Variants in MICU3 observed in about 807,000 individuals in gnomAD.
MICU3 encodes the protein calcium uptake protein 3, mitochondrial.
MICU3 carries 62 observed loss-of-function variants against 66.5 expected under a neutral mutation model. That is an observed-to-expected ratio of 0.93 (90% CI 0.76 to 1.15). The LOEUF (loss-of-function observed/expected upper bound fraction) is 1.15. Among genes scored for constraint, MICU3 ranks in the 50% most tolerant of loss-of-function variants. The probability of loss-of-function intolerance (pLI) is 0.00; values close to 1 mark genes in which losing one functional copy is unlikely to be tolerated. For missense variants in MICU3, 779 were observed against 664.4 expected (o/e 1.17, Z -1.90); for synonymous variants, 308 against 240.7 (o/e 1.28, Z -2.59).
At chr8:17,068,814 C>G (rs190138385) in intron 2 of MICU3, among the ~76,000 whole-genome samples, 369 of 152,126 alleles carry the variant, frequency 2.4e-3, no homozygotes, top group African/African-American at 8.5e-3. Context: ...GCCCCATTGC[C>G]AGGTAGAAGA....
intron 1 of MICU3, among the ~76,000 whole-genome samples, chr8:17,043,939 G>A (rs1244591406): frequency 6.6e-6 from 1 of 152,144 alleles, no homozygotes; most frequent in Non-Finnish European, 1.5e-5. Flanking sequence ...ATTAAATAGT[G>A]AACTATGAAA....
intron 3 of MICU3, among the ~76,000 whole-genome samples, chr8:17,072,248 T>A (rs73539189): frequency 0.16 from 23,568 of 152,008 alleles, 2,804 homozygotes; most frequent in African/African-American, 0.32. Flanking sequence ...CAGAAACAGA[T>A]CCAGGTATAT....
intron 11 of MICU3, among the ~76,000 whole-genome samples, chr8:17,107,670 A>C (rs1327387420): frequency 2.6e-5 from 4 of 152,186 alleles, no homozygotes; most frequent in Admixed American, 1.3e-4. Context: ...TTTTTACACT[A>C]TAATGGTAAA....
At chr8:17,085,861 T>A (rs1183763135) in intron 6 of MICU3, among the ~76,000 whole-genome samples, 1 of 152,140 alleles carries the variant, frequency 6.6e-6, no homozygotes, top group Non-Finnish European at 1.5e-5. Flanking sequence ...CTGGCACTGG[T>A]CTGACAGTGA....
At chr8:17,125,423 G>T (rs149505073), downstream of MICU3, among the ~76,000 whole-genome samples, 4 of 151,918 alleles carry the variant, frequency 2.6e-5, no homozygotes, top group East Asian at 7.7e-4. Flanking sequence ...CATATTAGAG[G>T]TATTTCTCAA....
At chr8:17,029,656 C>G (rs974794804) in intron 1 of MICU3, among the ~76,000 whole-genome samples, 1 of 151,962 alleles carries the variant, frequency 6.6e-6, no homozygotes, top group Admixed American at 6.6e-5. Context: ...TTTGTATTTC[C>G]CTCTCTGAAA....
chr8:17,098,337 A>C (rs1800942331), intron 8 of MICU3, 121 bp from the exon 9 acceptor site: 2 of 767,946 alleles, frequency 2.6e-6, no homozygotes, highest in South Asian at 2.9e-5. Context: ...CAAAACAAAC[A>C]AACAAAAAAA....
intron 11 of MICU3, 32 bp from the exon 12 acceptor site, chr8:17,114,061 T>C: frequency 7.3e-7 from 1 of 1,362,012 alleles, no homozygotes; most frequent in Non-Finnish European, 1.0e-6. Context: ...TTGGCAATAC[T>C]AAATGTATTT....
chr8:17,119,548 G>GATAGATAGATAGATAGATAA (rs1554541237), intron 14 of MICU3, among the ~76,000 whole-genome samples: 99 of 147,324 alleles, frequency 6.7e-4, no homozygotes, highest in African/African-American at 2.4e-3. Flanking sequence ...TAGATAGATA[G>GATAGATAGATAGATAGATAA]ATAGATAGAT....
At chr8:17,125,942 A>G (rs1402087012), downstream of MICU3, among the ~76,000 whole-genome samples, 8 of 151,434 alleles carry the variant, frequency 5.3e-5, no homozygotes, top group Non-Finnish European at 8.8e-5. Context: ...AGGCAGGAGA[A>G]TCACTTGAAC....
the MICU3 span, among the ~76,000 whole-genome samples, chr8:17,129,368 A>G: frequency 1.3e-5 from 2 of 152,246 alleles, no homozygotes; most frequent in Non-Finnish European, 2.9e-5. Context: ...TAAAAACTTT[A>G]AGAACTATTA....
intron 1 of MICU3, among the ~76,000 whole-genome samples, chr8:17,039,892 A>ATTTTTT (rs1475568030): frequency 3.7e-5 from 2 of 54,300 alleles, no homozygotes; most frequent in Non-Finnish European, 9.9e-5. Context: ...ATCATCTTGC[A>ATTTTTT]TTCTTTTTTT....
In MICU3 at chr8:17,105,542, A is replaced by C. The variant is rs1195271838; in HGVS notation, c.1215A>C (p.Ser405=). 3 of 1,563,808 alleles carry C rather than the reference A, an allele frequency of 1.9e-6. No individual in the cohort carries two copies. Among genetic ancestry groups the C allele is most frequent in the Admixed American group, 4.0e-5 (2 of 50,602 alleles). The change falls in exon 11 of 15, where the codon TCA becomes TCC. Residue 405 remains serine (S), a synonymous_variant. Transcript: ENST00000318063. ...LLRYTNVENT[S]VFLENVRYSI... ...GATATACAAATGTGGAAAATACATC[A>C]GTATTTTTAGAAAATGTGCGTTACA...
chr8:17,090,069 T>C (rs917317873), intron 7 of MICU3, among the ~76,000 whole-genome samples: 5 of 152,068 alleles, frequency 3.3e-5, no homozygotes, highest in Non-Finnish European at 5.9e-5. Context: ...GTAAGTATTA[T>C]ACCTGCTTGG....
intron 2 of MICU3, among the ~76,000 whole-genome samples, chr8:17,066,668 A>G (rs1363686382): frequency 6.6e-6 from 1 of 150,412 alleles, no homozygotes. Flanking sequence ...TCAGCCTCCC[A>G]AGTAGCTGGG....
At chr8:17,031,751 C>T (rs897061224) in intron 1 of MICU3, among the ~76,000 whole-genome samples, 3 of 152,080 alleles carry the variant, frequency 2.0e-5, no homozygotes, top group Non-Finnish European at 4.4e-5. Flanking sequence ...AATAATTTAA[C>T]TGATGTAAGT....
chr8:17,044,540 A>AATTGGTGAAAAC (rs1814737084), intron 1 of MICU3, among the ~76,000 whole-genome samples: 1 of 152,206 alleles, frequency 6.6e-6, no homozygotes, highest in Non-Finnish European at 1.5e-5. Context: ...AACCTAGAAA[A>AATTGGTGAAAAC]ATTGGTGAAA....
chr8:17,030,893 C>T lies in MICU3; in HGVS notation c.381+3233C>T, dbSNP rs137866036. ...CTTAAGTCAATTATCACTCCTCCAT[C>T]TCTTCAATTTTATAAAAATTTTATA... On this transcript the variant is annotated intron_variant, in intron 1 of 14. Transcript: ENST00000318063. Among the ~76,000 whole-genome samples the T allele has an allele frequency of 8.4e-3, 1,276 of 152,270 alleles. 13 individuals are homozygous for T. Among genetic ancestry groups the T allele is most frequent in the African/African-American group, 0.029 (1,203 of 41,542 alleles).
chr8:17,027,314 C>T lies in MICU3; in HGVS notation c.35C>T (p.Pro12Leu), dbSNP rs776637688. The change falls in exon 1 of 15, where the codon CCC becomes CTC. Residue 12 changes from proline (P) to leucine (L), a missense_variant. By Grantham distance (98) the Pro-to-Leu change is moderately conservative. Transcript: ENST00000318063. ...AALRRLLWPPPRVSPPLCAHQ... is the reference protein window; with the variant it reads ...AALRRLLWPPLRVSPPLCAHQ... ...CTGCGAAGGCTCTTGTGGCCGCCAC[C>T]CCGGGTGTCTCCTCCACTCTGCGCT... The T allele has an allele frequency of 1.2e-5, 18 of 1,507,252 alleles. No individual in the cohort carries two copies. The highest frequency in any genetic ancestry group is 1.5e-5 in the Non-Finnish European group (17 of 1,135,004). The allele number at this position is 1,507,252 out of a possible 1,614,324, so 93.4% of individuals were successfully genotyped here. A position where few individuals can be genotyped will look rare whatever the true frequency, so the allele number is the denominator to read the frequency against.
Sources: gnomAD v4.1 joint callset for allele counts (sites outside exome capture counted in the v4.1 genomes callset) on GRCh38, gnomAD v4.1.1 for gene constraint, MANE v1.5 for transcripts, NCBI Gene and HGNC (gene_info 2026-07-23, HGNC 2026-07-21) for gene names.